The following KALRN variants were observed in gnomAD, a reference collection of about 807,000 sequenced individuals.
KALRN encodes kalirin RhoGEF kinase.
A neutral mutation model predicts 353.7 loss-of-function variants in KALRN; 70 were observed. The ratio of observed to expected loss-of-function variants is 0.20; its 90% CI spans 0.16 to 0.24. The LOEUF (loss-of-function observed/expected upper bound fraction) is 0.24, where lower values mean the gene tolerates loss of function less well. Among genes scored for constraint, KALRN ranks in the 10% least tolerant of loss-of-function variants. KALRN has a pLI of 1.00. For missense variants in KALRN, 2,791 were observed against 3,756.7 expected, an observed-to-expected ratio of 0.74 and a Z score of 6.72; for synonymous variants, 1,391 against 1,434.8, an observed-to-expected ratio of 0.97 and a Z score of 0.69.
rs78457970 is a variant in KALRN at position 124,704,899 on chromosome 3, C to G, written c.8075+2783C>G. On this transcript the variant is annotated intron_variant, in intron 57 of 59. Transcript: ENST00000682506. ...GTGAGACACAGGAAAGATATCTGTGCCAGGGCTGTAGAAGTCAATCGACTT... is the reference window on the plus strand; with the variant it reads ...GTGAGACACAGGAAAGATATCTGTGGCAGGGCTGTAGAAGTCAATCGACTT... Among the ~76,000 whole-genome samples the G allele has an allele frequency of 0.012, 1,878 of 152,258 alleles. 87 individuals are homozygous for G. In the East Asian group the frequency reaches 0.17, roughly 14 times the overall value.
intron 27 of KALRN, among the ~76,000 whole-genome samples, chr3:124,480,056 G>A (rs2061833992): frequency 6.6e-6 from 1 of 152,162 alleles, no homozygotes. Flanking sequence ...CACAGCATGG[G>A]TGTGATGTCT....
At chr3:124,165,372 T>A (rs935368757) in intron 1 of KALRN, among the ~76,000 whole-genome samples, 6 of 151,870 alleles carry the variant, frequency 4.0e-5, no homozygotes, top group Admixed American at 6.5e-5. Context: ...CACCCTCAGA[T>A]GTTTTTATCT....
chr3:124,404,656 CTT>C (rs34848980), intron 13 of KALRN, among the ~76,000 whole-genome samples: 4 of 131,410 alleles, frequency 3.0e-5, no homozygotes, highest in Non-Finnish European at 4.8e-5. Flanking sequence ...TAGTCTTTTT[CTT>C]TTTTTTTTTT....
intron 10 of KALRN, among the ~76,000 whole-genome samples, chr3:124,373,285 C>A (rs893588765): frequency 6.6e-6 from 1 of 152,098 alleles, no homozygotes; most frequent in African/African-American, 2.4e-5. Context: ...TTGTCTCCCC[C>A]CGACTTCTAC....
At chr3:124,079,986 A>G (rs1385418263) in intron 1 of KALRN, 1 of 469,494 alleles carries the variant, frequency 2.1e-6, no homozygotes, top group Non-Finnish European at 4.4e-6. Flanking sequence ...TTCTGATGTC[A>G]TGCTTCTCAG....
rs549772353 is a variant in KALRN, at chr3:124,275,943, C to T, written c.969+6688C>T. 2.6e-5 allele frequency among the ~76,000 whole-genome samples: 4 copies of T among 152,278 alleles called. No homozygotes were observed. The South Asian group carries it at 8.3e-4, about 32-fold the overall frequency. ...GGACATCCTCCACAGGGAAAGTTCT[C>T]TGGAAAAACAAGGTCTGTCCTTGAA... On this transcript the variant is annotated intron_variant, in intron 5 of 59. Coordinates refer to ENST00000682506, the MANE Select transcript of KALRN (RefSeq NM_001388419.1).
At chr3:124,219,690 C>T (rs1470623052) in intron 1 of KALRN, among the ~76,000 whole-genome samples, 1 of 152,176 alleles carries the variant, frequency 6.6e-6, no homozygotes, top group African/African-American at 2.4e-5. Context: ...CCCTCCTGCA[C>T]ACCTGCCACC....
At chr3:124,619,497 T>C (rs1324699605) in intron 34 of KALRN, among the ~76,000 whole-genome samples, 38 of 148,166 alleles carry the variant, frequency 2.6e-4, no homozygotes, top group Admixed American at 1.3e-3. Context: ...TTTTTTTTTT[T>C]TTTTTTTGAG....
chr3:124,130,283 A>T (rs1294797096), intron 1 of KALRN, among the ~76,000 whole-genome samples: 1 of 152,188 alleles, frequency 6.6e-6, no homozygotes, highest in Non-Finnish European at 1.5e-5. Context: ...GATATTTAGT[A>T]TATCTCTGAA....
Position 124,332,866 on chromosome 3 carries a change from G to A in KALRN, c.1417-1399G>A, listed in dbSNP as rs971923405. ...GATAAAGACGAAAGAAAATGACAAG[G>A]AAATAAAGAGGATGGGAGAGAGATG... On this transcript the variant is annotated intron_variant, in intron 8 of 59. Transcript: ENST00000682506. Among the ~76,000 whole-genome samples, 3 of 152,140 alleles carry A rather than the reference G, an allele frequency of 2.0e-5. No homozygotes were observed. The South Asian group carries it at 6.2e-4, about 32-fold the overall frequency.
intron 19 of KALRN, among the ~76,000 whole-genome samples, chr3:124,445,086 G>A (rs1423274332): frequency 1.3e-5 from 2 of 152,122 alleles, no homozygotes; most frequent in East Asian, 3.9e-4. Context: ...AGTCAGATTT[G>A]GCCCGAATCT....
intron 51 of KALRN, among the ~76,000 whole-genome samples, chr3:124,693,561 G>A (rs1006714921): frequency 1.7e-4 from 26 of 152,062 alleles, no homozygotes; most frequent in Admixed American, 1.3e-4. Context: ...AACCTGCCTG[G>A]GGCCGCACGC....
intron 4 of KALRN, among the ~76,000 whole-genome samples, chr3:124,267,415 G>A (rs2073689301): frequency 6.6e-6 from 1 of 152,186 alleles, no homozygotes; most frequent in Non-Finnish European, 1.5e-5. Context: ...AATACTGCTG[G>A]TCTGAGAGCT....
intron 1 of KALRN, among the ~76,000 whole-genome samples, chr3:124,121,746 G>C (rs1464706798): frequency 2.0e-5 from 3 of 152,178 alleles, no homozygotes; most frequent in Non-Finnish European, 4.4e-5. Flanking sequence ...TTCTCCATAA[G>C]GCCATTAATT....
At chr3:124,213,429 C>T (rs2077058072) in intron 1 of KALRN, among the ~76,000 whole-genome samples, 1 of 152,032 alleles carries the variant, frequency 6.6e-6, no homozygotes. Context: ...GTGTCTGCTC[C>T]ACCTTTTAAT....
intron 32 of KALRN, among the ~76,000 whole-genome samples, chr3:124,495,965 G>GTGTATGTA (rs1239001137): frequency 2.4e-5 from 1 of 41,482 alleles, no homozygotes; most frequent in African/African-American, 1.4e-4. Context: ...GTGTATGTAT[G>GTGTATGTA]TATATATATA....
At chr3:124,108,332 T>C (rs1423596821) in intron 1 of KALRN, among the ~76,000 whole-genome samples, 1 of 152,204 alleles carries the variant, frequency 6.6e-6, no homozygotes, top group Non-Finnish European at 1.5e-5. Context: ...TGTTAATATC[T>C]CCTCCAGGAA....
chr3:124,437,425 C>A (rs2093508574), intron 17 of KALRN, among the ~76,000 whole-genome samples: 1 of 152,234 alleles, frequency 6.6e-6, no homozygotes, highest in African/African-American at 2.4e-5. Context: ...CACGGAGGCT[C>A]ACGCCTATAA....
chr3:124,709,726 A>G (rs953270041), intron 57 of KALRN, among the ~76,000 whole-genome samples: 2 of 152,264 alleles, frequency 1.3e-5, no homozygotes, highest in East Asian at 3.8e-4. Flanking sequence ...AAATTCCAGA[A>G]AGAGAGAATA....
Sources: gnomAD v4.1 joint callset for allele counts (sites outside exome capture counted in the v4.1 genomes callset) on GRCh38, gnomAD v4.1.1 for gene constraint, MANE v1.5 for transcripts, NCBI Gene and HGNC (gene_info 2026-07-23, HGNC 2026-07-21) for gene names.